NFIA: variants seen among roughly 807,000 people sequenced by gnomAD.
NFIA encodes the protein nuclear factor I A.
A neutral mutation model predicts 62.8 loss-of-function variants in NFIA; 8 were observed. That is an observed-to-expected ratio of 0.13 (90% CI 0.07 to 0.23). The LOEUF (loss-of-function observed/expected upper bound fraction) is 0.23. Ranked by LOEUF, NFIA falls within the 10% of genes least tolerant of loss-of-function variation. The pLI is 1.00. For missense variants in NFIA, 410 were observed against 642.1 expected (o/e 0.64, Z 3.91); for synonymous variants, 235 against 238.1 (o/e 0.99, Z 0.12).
chr1:61,266,232 T>C (rs1657155371), intron 2 of NFIA, among the ~76,000 whole-genome samples: 1 of 152,104 alleles, frequency 6.6e-6, no homozygotes, highest in African/African-American at 2.4e-5. Context: ...TCTTACCACA[T>C]GAAACATACC....
At chr1:61,301,991 C>T (rs1659519704) in intron 3 of NFIA, among the ~76,000 whole-genome samples, 2 of 152,180 alleles carry the variant, frequency 1.3e-5, no homozygotes, top group African/African-American at 4.8e-5. Flanking sequence ...TGAGAGAGAA[C>T]TTTCCCATTT....
chr1:61,321,437 A>T (rs1045691581), intron 3 of NFIA, among the ~76,000 whole-genome samples: 3 of 151,866 alleles, frequency 2.0e-5, no homozygotes, highest in Non-Finnish European at 4.4e-5. Context: ...AAGGAAGGAA[A>T]GGAAGGGAAG....
chr1:61,264,706 G>C (rs2100248164), intron 2 of NFIA, among the ~76,000 whole-genome samples: 1 of 148,916 alleles, frequency 6.7e-6, no homozygotes, highest in South Asian at 2.1e-4. Flanking sequence ...AGTTTATTTG[G>C]CAAATCCCAC....
chr1:61,106,081 C>CCT (rs143350333), intron 2 of NFIA, among the ~76,000 whole-genome samples: 8,971 of 145,172 alleles, frequency 0.062, 364 homozygotes, highest in African/African-American at 0.11. Context: ...CCACAAAAAT[C>CCT]CTCTCTCTCT....
chr1:61,168,194 A>C (rs917582167), intron 2 of NFIA, among the ~76,000 whole-genome samples: 13 of 152,198 alleles, frequency 8.5e-5, no homozygotes, highest in African/African-American at 2.4e-4. Context: ...ATACAGATAT[A>C]GAAAAGCAAA....
At chr1:61,335,499 G>A (rs963836541) in intron 4 of NFIA, among the ~76,000 whole-genome samples, 2 of 152,210 alleles carry the variant, frequency 1.3e-5, no homozygotes, top group Non-Finnish European at 2.9e-5. Context: ...TATGGTGGAT[G>A]CTTTTTGCAG....
At chr1:61,105,101 A>G (rs1646572863) in intron 2 of NFIA, among the ~76,000 whole-genome samples, 1 of 151,986 alleles carries the variant, frequency 6.6e-6, no homozygotes, top group Non-Finnish European at 1.5e-5. Flanking sequence ...TAACTGTTTA[A>G]TAATAGGGGA....
intron 6 of NFIA, among the ~76,000 whole-genome samples, chr1:61,364,268 G>A (rs1387883716): frequency 1.3e-5 from 2 of 152,032 alleles, no homozygotes; most frequent in African/African-American, 4.8e-5. Flanking sequence ...ATTATTGTCT[G>A]TTTTCTCTCT....
At chr1:61,205,676 G>A (rs1652845314) in intron 2 of NFIA, among the ~76,000 whole-genome samples, 2 of 152,144 alleles carry the variant, frequency 1.3e-5, no homozygotes. Context: ...AAAGTAGGAA[G>A]TCAGAAAGTT....
chr1:61,309,837 C>T (rs1004198149), intron 3 of NFIA, among the ~76,000 whole-genome samples: 3 of 152,098 alleles, frequency 2.0e-5, no homozygotes, highest in Non-Finnish European at 2.9e-5. Context: ...TGCAGTGAGC[C>T]GAGATTGCAC....
At chr1:61,139,843 G>A (rs1476815023) in intron 2 of NFIA, among the ~76,000 whole-genome samples, 1 of 145,774 alleles carries the variant, frequency 6.9e-6, no homozygotes, top group African/African-American at 2.6e-5. Context: ...CTCCCACGGA[G>A]GTATAACATT....
intron 2 of NFIA, among the ~76,000 whole-genome samples, chr1:61,204,158 C>A (rs1241442224): frequency 1.3e-5 from 2 of 152,154 alleles, no homozygotes; most frequent in East Asian, 3.9e-4. Flanking sequence ...TAAAGTGACC[C>A]CTGCTTTCCT....
intron 2 of NFIA, among the ~76,000 whole-genome samples, chr1:61,123,224 C>T (rs910893687): frequency 2.0e-5 from 3 of 152,160 alleles, no homozygotes; most frequent in Non-Finnish European, 2.9e-5. Context: ...ACAGCCAGGG[C>T]GGGAAACCTG....
chr1:61,084,015 C>CA (rs754486792), intron 1 of NFIA, among the ~76,000 whole-genome samples: 1 of 152,048 alleles, frequency 6.6e-6, no homozygotes, highest in Non-Finnish European at 1.5e-5. Context: ...GGCTTGAAGT[C>CA]AAAGTGGTTT....
rs992598387 is a variant in NFIA, at chr1:61,312,513, C to CT, written c.626-19985dup. On this transcript the variant is annotated intron_variant, in intron 3 of 10. Transcript: ENST00000403491. ...ACTTGGAAAAAAATTCAAATTAAGA[C>CT]TTTTTTTTTTTTTTGAGACAGGATT... 4.6e-3 allele frequency among the ~76,000 whole-genome samples: 661 copies of CT among 143,346 alleles called. 4 individuals are homozygous for CT. The highest frequency in any genetic ancestry group is 0.011 in the African/African-American group (445 of 39,252). The allele number at this position is 143,346 out of a possible 152,430, so 94.0% of individuals were successfully genotyped here.
At chr1:61,233,424 G>A (rs1013884047) in intron 2 of NFIA, among the ~76,000 whole-genome samples, 3 of 152,176 alleles carry the variant, frequency 2.0e-5, no homozygotes, top group Non-Finnish European at 2.9e-5. Flanking sequence ...TAAGTTGACC[G>A]TCACGATGCT....
chr1:61,197,905 CGA>C (rs1652148060), intron 2 of NFIA, among the ~76,000 whole-genome samples: 1 of 151,888 alleles, frequency 6.6e-6, no homozygotes, highest in Non-Finnish European at 1.5e-5. Context: ...CGCTTGAACC[CGA>C]GAGGCGGAGG....
chr1:61,105,014 AC>A (rs1646571513), intron 2 of NFIA, among the ~76,000 whole-genome samples: 1 of 151,966 alleles, frequency 6.6e-6, no homozygotes, highest in African/African-American at 2.4e-5. Flanking sequence ...AAAATAGTGT[AC>A]CAGTGCAAAC....
chr1:61,192,639 G>A (rs1428587751), intron 2 of NFIA, among the ~76,000 whole-genome samples: 1 of 151,866 alleles, frequency 6.6e-6, no homozygotes, highest in Non-Finnish European at 1.5e-5. Flanking sequence ...GGAGGCGGAG[G>A]TTGCAGTGAG....
Sources: allele counts gnomAD v4.1 joint callset (sites outside exome capture counted in the v4.1 genomes callset), GRCh38; gene constraint gnomAD v4.1.1; transcripts MANE v1.5; gene names NCBI Gene and HGNC (gene_info 2026-07-23, HGNC 2026-07-21).